Variants in NOD2 observed in about 807,000 individuals in gnomAD.
NOD2 encodes nucleotide-binding oligomerization domain-containing protein 2.
In NOD2, 86 loss-of-function variants were observed where a neutral mutation model predicts 90.9. The observed-to-expected ratio is 0.95, with a 90% CI of 0.79 to 1.13. NOD2 has a LOEUF of 1.13. Among genes scored for constraint, NOD2 ranks in the 50% most tolerant of loss-of-function variants. NOD2 has a pLI of 0.00. For missense variants in NOD2, 1,238 were observed against 1,283.8 expected, an observed-to-expected ratio of 0.96 and a Z score of 0.55; for synonymous variants, 581 against 554.6, an observed-to-expected ratio of 1.05 and a Z score of -0.67.
chr16:50,719,874 C>T, intron 6 of NOD2, 51 bp from the exon 7 acceptor site: 1 of 1,556,328 alleles, frequency 6.4e-7, no homozygotes, highest in Non-Finnish European at 8.9e-7. Flanking sequence ...GACGGCCCTC[C>T]TTTTCTGCCT....
intron 4 of NOD2, among the ~76,000 whole-genome samples, chr16:50,714,109 C>A (rs1395090091): frequency 6.6e-6 from 1 of 152,152 alleles, no homozygotes; most frequent in Non-Finnish European, 1.5e-5. Flanking sequence ...AGTTTTTACC[C>A]CAAGAGGCCA....
chr16:50,707,882 G>A lies in NOD2; in HGVS notation c.487G>A (p.Val163Met). The A allele has an allele frequency of 1.9e-6, 3 of 1,614,070 alleles. No individual in the cohort carries two copies. Among genetic ancestry groups the A allele is most frequent in the Non-Finnish European group, 2.5e-6 (3 of 1,179,926 alleles). Residue 163 changes from valine (V) to methionine (M), a missense_variant, in exon 3 of 12, where the codon GTG (valine) becomes ATG (methionine). Physicochemically the swap from Val to Met is conservative, Grantham distance 21. Coordinates refer to ENST00000647318, the MANE Select transcript of NOD2 (RefSeq NM_001370466.1). ...AAGAAGGCTGCTTGATCTTGCCACG[G>A]TGAAAGCGAATGGATTGGCTGCCTT... is the stretch of plus-strand genomic sequence containing the variant. The part of the protein sequence containing the change: ...RARRLLDLAT[V>M]KANGLAAFLL...
chr16:50,722,636 G>C lies in NOD2; in HGVS notation c.2648G>C (p.Arg883Thr), dbSNP rs1354091032. 6.2e-7 allele frequency: 1 copy of C among 1,614,240 alleles called. No homozygotes were observed. Among genetic ancestry groups the C allele is most frequent in the Middle Eastern group, 1.6e-4 (1 of 6,062 alleles). The change falls in exon 8 of 12, where the codon AGA becomes ACA. Residue 883 changes from arginine (R) to threonine (T), a missense_variant. Physicochemically the swap from Arg to Thr is moderately conservative, Grantham distance 71 (BLOSUM62 -1). This residue lies in a region of NOD2 where 667 missense variants were observed against 688.7 expected (regional missense o/e 0.97). Coordinates refer to ENST00000647318, the MANE Select transcript of NOD2 (RefSeq NM_001370466.1). ...SLQFLGFWGN[R>T]VGDEGAQALA... ...GGCCTTTTCAGATTCTGGGGCAACA[G>C]AGTGGGTGACGAGGGGGCCCAGGCC...
chr16:50,695,539 T>C lies in NOD2; in HGVS notation c.-9+1877T>C, dbSNP rs541782870. ...GGAGGTTGGAGTTGAAAATAAAACT[T>C]TGGGCATCATCACCATATAACTGGT... On this transcript the variant is annotated intron_variant, in intron 1 of 11. Transcript: ENST00000647318. Among the ~76,000 whole-genome samples, 12 of 152,136 alleles carry C rather than the reference T, an allele frequency of 7.9e-5. No homozygotes were observed. In the South Asian group the frequency reaches 2.1e-3, roughly 26 times the overall value.
chr16:50,717,065 C>A, intron 6 of NOD2, 91 bp downstream of exon 6: 1 of 1,097,986 alleles, frequency 9.1e-7, no homozygotes, highest in Non-Finnish European at 1.4e-6. Flanking sequence ...ACTGCCCACA[C>A]TGGCTCCTGA....
chr16:50,700,817 A>G (rs1963909118), intron 2 of NOD2, among the ~76,000 whole-genome samples: 1 of 152,242 alleles, frequency 6.6e-6, no homozygotes, highest in Non-Finnish European at 1.5e-5. Flanking sequence ...ATAGCATATT[A>G]TAAACTAATA....
intron 1 of NOD2, among the ~76,000 whole-genome samples, chr16:50,696,056 T>G (rs1229143123): frequency 2.1e-5 from 3 of 143,374 alleles, no homozygotes; most frequent in Non-Finnish European, 4.5e-5. Flanking sequence ...GAGAGAACAG[T>G]GTTAGGGAGG....
At chr16:50,695,158 T>TG (rs1232483758) in intron 1 of NOD2, among the ~76,000 whole-genome samples, 494 of 59,064 alleles carry the variant, frequency 8.4e-3, no homozygotes, top group Middle Eastern at 0.025. Flanking sequence ...GAATGGATCA[T>TG]GGGGGGGGTG....
intron 4 of NOD2, among the ~76,000 whole-genome samples, chr16:50,713,828 C>A (rs72796355): frequency 6.6e-6 from 1 of 152,070 alleles, no homozygotes; most frequent in Non-Finnish European, 1.5e-5. Context: ...ACTCTTGCTC[C>A]TGGCCAGCGC....
At chr16:50,697,823 G>A in intron 1 of NOD2, 1 of 204,864 alleles carries the variant, frequency 4.9e-6, no homozygotes, top group East Asian at 1.3e-4. Context: ...AGAGATTGGA[G>A]CTTTCTCCTT....
chr16:50,708,305 G>A (rs1964296546), intron 3 of NOD2, among the ~76,000 whole-genome samples: 1 of 152,154 alleles, frequency 6.6e-6, no homozygotes, highest in Non-Finnish European at 1.5e-5. Context: ...GTTAGGGCTG[G>A]TATCTCTTGA....
Position 50,726,912 on chromosome 16 carries a change from G to A in NOD2, c.2885+1340G>A, listed in dbSNP as rs558658486. ...TCCCAGCACTTTGGGAGGCTGAGGC[G>A]GGTGGATCACCTGAAGTGGGGAGTT... is the stretch of plus-strand genomic sequence containing the variant. On this transcript the variant is annotated intron_variant, in intron 10 of 11. Coordinates refer to ENST00000647318, the MANE Select transcript of NOD2 (RefSeq NM_001370466.1). Among the ~76,000 whole-genome samples, 4 of 152,196 alleles carry A rather than the reference G, an allele frequency of 2.6e-5. No individual in the cohort carries two copies. In the East Asian group the frequency reaches 7.7e-4, roughly 29 times the overall value.
In NOD2 at chr16:50,722,710, G is replaced by A; in HGVS notation, c.2717+5G>A. On this transcript the variant is annotated splice_donor_5th_base_variant and intron_variant, in intron 8 of 11. Coordinates refer to ENST00000647318, the MANE Select transcript of NOD2 (RefSeq NM_001370466.1). ...CCAGAGCTTGAGGTGGCTCAGGTAA[G>A]CTTCAGAGTCTATCCTGCAGTTTTC... The A allele has an allele frequency of 1.2e-6, 2 of 1,613,972 alleles. No individual in the cohort carries two copies. The highest frequency in any genetic ancestry group is 1.7e-6 in the Non-Finnish European group (2 of 1,179,792).
Position 50,711,425 on chromosome 16 carries a change from G to A in NOD2, c.1433G>A (p.Gly478Glu), listed in dbSNP as rs1447813363. ...CHQELLLQEG[G>E]SPKTTTDMYL... is the part of the protein sequence containing the mutation. Reference sequence around the variant, plus strand: ...CAGGAACTGTTGCTGCAGGAGGGGGGGTCCCCAAAGACCACTACAGATATG... The same window carrying A: ...CAGGAACTGTTGCTGCAGGAGGGGGAGTCCCCAAAGACCACTACAGATATG... The change falls in exon 4 of 12, where the codon GGG becomes GAG. Residue 478 changes from glycine (G) to glutamate (E), a missense_variant. This residue lies in a region of NOD2 where 667 missense variants were observed against 688.7 expected (regional missense o/e 0.97). Transcript: ENST00000647318. The A allele has an allele frequency of 6.2e-7, 1 of 1,613,506 alleles. No individual in the cohort carries two copies.
intron 4 of NOD2, among the ~76,000 whole-genome samples, chr16:50,714,305 C>G (rs1284089066): frequency 1.3e-5 from 2 of 152,102 alleles, no homozygotes; most frequent in Non-Finnish European, 2.9e-5. Flanking sequence ...TCATGGTGCT[C>G]AGACTGTGGT....
intron 9 of NOD2, among the ~76,000 whole-genome samples, chr16:50,724,230 A>G (rs373051386): frequency 1.2e-4 from 19 of 152,314 alleles, no homozygotes; most frequent in East Asian, 9.7e-4. Flanking sequence ...TGCCATAAAC[A>G]GATTTTATGG....
chr16:50,699,642 C>G lies in NOD2; in HGVS notation c.147C>G (p.Leu49=). The G allele has an allele frequency of 6.2e-7, 1 of 1,614,118 alleles. No individual in the cohort carries two copies. The highest frequency in any genetic ancestry group is 8.5e-7 in the Non-Finnish European group (1 of 1,180,030). Residue 49 remains leucine (L), a synonymous_variant, in exon 2 of 12, where the codon CTC becomes CTG. Coordinates refer to ENST00000647318, the MANE Select transcript of NOD2 (RefSeq NM_001370466.1). ...GGGAGGACTACGAGGGCTTCCACCT[C>G]CTGGGCCAGCCTCTCTCCCACTTGG... is the stretch of plus-strand genomic sequence containing the variant. ...LSWEDYEGFH[L]LGQPLSHLAR... is the part of the protein sequence containing the mutation.
intron 10 of NOD2, among the ~76,000 whole-genome samples, chr16:50,728,630 A>C (rs142195807): frequency 2.1e-3 from 314 of 152,362 alleles, no homozygotes; most frequent in African/African-American, 7.3e-3. Context: ...ATCTAATAGA[A>C]GTTCAATAAA....
At chr16:50,698,855 A>G (rs1361763982) in intron 1 of NOD2, among the ~76,000 whole-genome samples, 1 of 152,110 alleles carries the variant, frequency 6.6e-6, no homozygotes, top group Admixed American at 6.5e-5. Flanking sequence ...GCCAGCATGA[A>G]AGAGCCCCTC....
Sources: allele counts gnomAD v4.1 joint callset (sites outside exome capture counted in the v4.1 genomes callset), GRCh38; gene constraint gnomAD v4.1.1; regional missense constraint gnomAD v4.1.1; transcripts MANE v1.5; gene names NCBI Gene and HGNC (gene_info 2026-07-23, HGNC 2026-07-21).